Variants in NEBL observed in about 807,000 individuals in gnomAD.
NEBL encodes nebulette.
NEBL carries 122 observed loss-of-function variants against 140.2 expected under a neutral mutation model. That is an observed-to-expected ratio of 0.87 (90% CI 0.75 to 1.01). The LOEUF is 1.01. NEBL is among the 50% of genes least tolerant of loss of function. NEBL has a pLI of 0.00. For missense variants in NEBL, 1,365 were observed against 1,231.3 expected, an observed-to-expected ratio of 1.11 and a Z score of -1.62; for synonymous variants, 436 against 398.9, an observed-to-expected ratio of 1.09 and a Z score of -1.11.
chr10:20,888,531 T>C (rs887386851), intron 3 of NEBL, among the ~76,000 whole-genome samples: 2 of 152,222 alleles, frequency 1.3e-5, no homozygotes, highest in East Asian at 3.8e-4. Flanking sequence ...ACAATTCGAG[T>C]TGTTCCAGAA....
intron 3 of NEBL, among the ~76,000 whole-genome samples, chr10:21,188,292 T>C (rs1564539626): frequency 6.6e-6 from 1 of 152,176 alleles, no homozygotes; most frequent in Non-Finnish European, 1.5e-5. Context: ...GAAGTTGTCG[T>C]GTAACACTTT....
intron 3 of NEBL, among the ~76,000 whole-genome samples, chr10:21,225,411 A>T (rs1842131615): frequency 6.6e-6 from 1 of 151,976 alleles, no homozygotes; most frequent in Non-Finnish European, 1.5e-5. Context: ...TCACTCAAGG[A>T]CCTAGGGCTC....
intron 2 of NEBL, among the ~76,000 whole-genome samples, chr10:20,892,141 C>T (rs777556651): frequency 2.6e-5 from 4 of 152,222 alleles, no homozygotes. Context: ...TTAATGAGAG[C>T]AGCCAGGCTC....
chr10:20,960,346 A>C (rs1000268201), intron 4 of NEBL, among the ~76,000 whole-genome samples: 1 of 152,130 alleles, frequency 6.6e-6, no homozygotes, highest in Non-Finnish European at 1.5e-5. Flanking sequence ...GAAAGAATAA[A>C]GAGGAAGAAA....
chr10:21,007,219 A>T (rs1171277954), intron 3 of NEBL, among the ~76,000 whole-genome samples: 1 of 152,172 alleles, frequency 6.6e-6, no homozygotes, highest in Non-Finnish European at 1.5e-5. Context: ...CTCTCCCCAC[A>T]GCCGCTGGTC....
At chr10:20,827,442 A>G (rs1490952531) in intron 17 of NEBL, among the ~76,000 whole-genome samples, 1 of 152,196 alleles carries the variant, frequency 6.6e-6, no homozygotes, top group Non-Finnish European at 1.5e-5. Context: ...CCAACTAATT[A>G]GGAGGTAGGA....
chr10:21,047,316 C>G (rs1362266048), intron 2 of NEBL, among the ~76,000 whole-genome samples: 4 of 152,174 alleles, frequency 2.6e-5, no homozygotes, highest in African/African-American at 9.7e-5. Context: ...AATACTTGAA[C>G]AAGTCACATC....
At chr10:21,067,292 T>C (rs1835611853) in intron 2 of NEBL, among the ~76,000 whole-genome samples, 1 of 152,144 alleles carries the variant, frequency 6.6e-6, no homozygotes. Flanking sequence ...ACTTTTAAAG[T>C]GAAATACATA....
At chr10:20,939,499 A>G (rs1338793199) in intron 4 of NEBL, among the ~76,000 whole-genome samples, 2 of 152,228 alleles carry the variant, frequency 1.3e-5, no homozygotes, top group African/African-American at 4.8e-5. Flanking sequence ...TGTAAAGACC[A>G]TCGAGGCTAG....
intron 2 of NEBL, among the ~76,000 whole-genome samples, chr10:21,026,595 T>G (rs1171269626): frequency 6.6e-6 from 1 of 152,238 alleles, no homozygotes; most frequent in Non-Finnish European, 1.5e-5. Context: ...GTCCACCTTC[T>G]CTGGCTTTCC....
chr10:21,190,616 A>C (rs1841556338), intron 3 of NEBL, among the ~76,000 whole-genome samples: 1 of 152,242 alleles, frequency 6.6e-6, no homozygotes, highest in South Asian at 2.1e-4. Context: ...GAAGTGAATT[A>C]TACAATGCAA....
chr10:21,106,366 G>A (rs1050840213), intron 2 of NEBL, among the ~76,000 whole-genome samples: 5 of 151,996 alleles, frequency 3.3e-5, no homozygotes, highest in Admixed American at 6.6e-5. Context: ...TTTTGTATAT[G>A]GTGTAAGGAA....
At chr10:21,290,190 C>T (rs530234195) in intron 1 of NEBL, among the ~76,000 whole-genome samples, 4 of 152,224 alleles carry the variant, frequency 2.6e-5, no homozygotes, top group South Asian at 2.1e-4. Flanking sequence ...ATTGGAACCA[C>T]TCTCCCTGCT....
At chr10:21,275,508 C>T (rs1159248985) in intron 1 of NEBL, among the ~76,000 whole-genome samples, 1 of 152,202 alleles carries the variant, frequency 6.6e-6, no homozygotes, top group East Asian at 1.9e-4. Context: ...AGGTTTTCCT[C>T]CTCTCTGTTT....
At chr10:21,168,606 T>C (rs1244058907) in intron 2 of NEBL, among the ~76,000 whole-genome samples, 2 of 152,210 alleles carry the variant, frequency 1.3e-5, no homozygotes, top group African/African-American at 2.4e-5. Flanking sequence ...TAAGATGTTA[T>C]AATAATGCAT....
intron 4 of NEBL, among the ~76,000 whole-genome samples, chr10:20,914,436 T>C (rs969235511): frequency 6.6e-6 from 1 of 152,360 alleles, no homozygotes; most frequent in Non-Finnish European, 1.5e-5. Context: ...ATGTTTCCTA[T>C]AAATCCCTTT....
intron 2 of NEBL, among the ~76,000 whole-genome samples, chr10:21,053,464 TTTC>T (rs1207768967): frequency 1.3e-5 from 2 of 152,248 alleles, no homozygotes; most frequent in African/African-American, 4.8e-5. Flanking sequence ...TTTCAGGCAG[TTTC>T]TTCTTCTTTA....
At chr10:21,159,494 A>C (rs891268478) in intron 2 of NEBL, among the ~76,000 whole-genome samples, 1 of 152,230 alleles carries the variant, frequency 6.6e-6, no homozygotes. Context: ...CTGCTACCCC[A>C]TCGACCAATT....
At chr10:20,822,538 G>GTAGTCTAA (rs915363035) in intron 19 of NEBL, among the ~76,000 whole-genome samples, 4 of 151,294 alleles carry the variant, frequency 2.6e-5, no homozygotes, top group African/African-American at 9.7e-5. Flanking sequence ...TAGATAGGTA[G>GTAGTCTAA]TAGTCTAACT....
Sources: gnomAD v4.1 joint callset for allele counts (sites outside exome capture counted in the v4.1 genomes callset) on GRCh38, gnomAD v4.1.1 for gene constraint, MANE v1.5 for transcripts, NCBI Gene and HGNC (gene_info 2026-07-23, HGNC 2026-07-21) for gene names.